The following USP49 variants were observed in gnomAD, a reference collection of about 807,000 sequenced individuals.
USP49 encodes the protein ubiquitin carboxyl-terminal hydrolase 49.
In USP49, 24 loss-of-function variants were observed where a neutral mutation model predicts 58.6. The ratio of observed to expected loss-of-function variants is 0.41; its 90% CI spans 0.30 to 0.58. USP49 has a LOEUF of 0.58. Ranked by LOEUF, USP49 falls within the 20% of genes least tolerant of loss-of-function variation. The pLI, the probability that USP49 is intolerant of heterozygous loss-of-function variation, is 0.30. For synonymous variants in USP49, 408 were observed against 365.1 expected (o/e 1.12, Z -1.34); for missense variants, 703 against 866.1 (o/e 0.81, Z 2.36).
At chr6:41,838,778 C>T (rs1248545954) in intron 3 of USP49, among the ~76,000 whole-genome samples, 2 of 152,178 alleles carry the variant, frequency 1.3e-5, no homozygotes, top group East Asian at 3.8e-4. Context: ...GCAGAATATA[C>T]ATTCTTTTAT....
At chr6:41,864,613 C>T (rs1774278972) in intron 3 of USP49, among the ~76,000 whole-genome samples, 1 of 151,978 alleles carries the variant, frequency 6.6e-6, no homozygotes, top group Non-Finnish European at 1.5e-5. Context: ...GAAGGGAAGG[C>T]CAAAATGCCA....
chr6:41,802,452 A>ATTTTTTTTTTTTTT (rs1561902624), intron 5 of USP49, among the ~76,000 whole-genome samples: 10 of 63,812 alleles, frequency 1.6e-4, no homozygotes, highest in South Asian at 4.5e-4. Flanking sequence ...TTATTTATTT[A>ATTTTTTTTTTTTTT]TTTATTTATT....
chr6:41,844,977 T>C (rs2127348044), intron 3 of USP49, among the ~76,000 whole-genome samples: 1 of 152,232 alleles, frequency 6.6e-6, no homozygotes, highest in Non-Finnish European at 1.5e-5. Flanking sequence ...CTCGGCTCAC[T>C]GCAACCTCTG....
intron 3 of USP49, among the ~76,000 whole-genome samples, chr6:41,813,644 C>A (rs1162552848): frequency 6.6e-6 from 1 of 152,190 alleles, no homozygotes; most frequent in African/African-American, 2.4e-5. Flanking sequence ...TTTCCCATTA[C>A]AAATTTGTCA....
chr6:41,846,875 T>C (rs571042703), intron 3 of USP49, among the ~76,000 whole-genome samples: 2 of 152,160 alleles, frequency 1.3e-5, no homozygotes, highest in Non-Finnish European at 2.9e-5. Context: ...TTCTATCTCA[T>C]ATGACTCAGA....
chr6:41,888,706 G>A (rs1195308645), intron 2 of USP49, among the ~76,000 whole-genome samples: 3 of 152,228 alleles, frequency 2.0e-5, no homozygotes, highest in East Asian at 1.9e-4. Context: ...ACCCGCCTCA[G>A]CCTCCCAAAG....
chr6:41,863,691 G>C (rs1023890513), intron 3 of USP49, among the ~76,000 whole-genome samples: 1 of 152,096 alleles, frequency 6.6e-6, no homozygotes, highest in Non-Finnish European at 1.5e-5. Context: ...TGCCTAGCAC[G>C]TGATAGTGCC....
intron 3 of USP49, among the ~76,000 whole-genome samples, chr6:41,808,243 GAAA>G (rs548809092): frequency 6.6e-6 from 1 of 150,612 alleles, no homozygotes; most frequent in African/African-American, 2.4e-5. Context: ...CGAAACAAAA[GAAA>G]AAAAAGCAAC....
intron 5 of USP49, among the ~76,000 whole-genome samples, chr6:41,802,026 T>A (rs1773007208): frequency 1.6e-5 from 2 of 126,248 alleles, no homozygotes; most frequent in Admixed American, 7.5e-5. Flanking sequence ...GGAATCACTG[T>A]TTTTTTTTTT....
At chr6:41,814,931 G>A (rs1220207726) in intron 3 of USP49, among the ~76,000 whole-genome samples, 8 of 152,100 alleles carry the variant, frequency 5.3e-5, no homozygotes, top group Non-Finnish European at 1.0e-4. Context: ...CTTACTAAGT[G>A]TACCTAGAAT....
At chr6:41,839,862 G>T (rs991843995) in intron 3 of USP49, among the ~76,000 whole-genome samples, 1 of 151,898 alleles carries the variant, frequency 6.6e-6, no homozygotes, top group African/African-American at 2.4e-5. Context: ...GGGGGTAAGG[G>T]ATAAAAGAAT....
At chr6:41,797,338 C>T (rs1260017158) in intron 7 of USP49, among the ~76,000 whole-genome samples, 2 of 152,094 alleles carry the variant, frequency 1.3e-5, no homozygotes, top group African/African-American at 4.8e-5. Context: ...AGCTGCGATA[C>T]TGCAGGCTAA....
chr6:41,801,728 T>G (rs1288263265), intron 5 of USP49, among the ~76,000 whole-genome samples: 2 of 152,244 alleles, frequency 1.3e-5, no homozygotes, highest in Non-Finnish European at 2.9e-5. Context: ...TGATCAGTTC[T>G]GTCTCCATTT....
intron 5 of USP49, among the ~76,000 whole-genome samples, chr6:41,802,584 G>A (rs1401330389): frequency 1.4e-5 from 2 of 145,942 alleles, no homozygotes; most frequent in Non-Finnish European, 3.1e-5. Context: ...GTGAGCCACT[G>A]CACCTGGCCT....
chr6:41,790,629 G>A lies in USP49; in HGVS notation c.*5904C>T, dbSNP rs1772781025. ...ATAAGGACCACAGTGGCCTGTTAAGGATGACAGATGTCTCTAGCAGTTTGT... is the reference window on the plus strand; with the variant it reads ...ATAAGGACCACAGTGGCCTGTTAAGAATGACAGATGTCTCTAGCAGTTTGT... On this transcript the variant is annotated 3_prime_UTR_variant, in exon 8 of 8. Coordinates refer to ENST00000682992, the MANE Select transcript of USP49 (RefSeq NM_001286554.2). The A allele has an allele frequency of 6.6e-6, 1 of 152,198 alleles. No homozygotes were observed. The highest frequency in any genetic ancestry group is 6.5e-5 in the Admixed American group (1 of 15,282). 9.4% of individuals were successfully genotyped at this position (152,198 alleles called of 1,614,324 possible). A position where few individuals can be genotyped will look rare whatever the true frequency, so the allele number is the denominator to read the frequency against.
chr6:41,829,643 A>ATAG (rs1491298882), intron 3 of USP49, among the ~76,000 whole-genome samples: 2 of 152,168 alleles, frequency 1.3e-5, no homozygotes, highest in African/African-American at 4.8e-5. Flanking sequence ...GGATGTCTAC[A>ATAG]TAGTCTTCAA....
intron 2 of USP49, among the ~76,000 whole-genome samples, chr6:41,873,355 G>A (rs1404975279): frequency 6.6e-6 from 1 of 152,206 alleles, no homozygotes; most frequent in Non-Finnish European, 1.5e-5. Flanking sequence ...AGGGAGCCAA[G>A]TTTCACATGT....
intron 2 of USP49, among the ~76,000 whole-genome samples, chr6:41,878,111 T>C (rs112327048): frequency 1.2e-3 from 180 of 152,210 alleles, no homozygotes; most frequent in African/African-American, 3.9e-3. Context: ...AATAAGAAAA[T>C]GTGTGTAAGT....
At chr6:41,858,118 C>T (rs1320192384) in intron 3 of USP49, among the ~76,000 whole-genome samples, 1 of 152,108 alleles carries the variant, frequency 6.6e-6, no homozygotes, top group Admixed American at 6.6e-5. Context: ...CATTGCTGCC[C>T]CATCATTCAG....
Sources: gnomAD v4.1 joint callset for allele counts (sites outside exome capture counted in the v4.1 genomes callset) on GRCh38, gnomAD v4.1.1 for gene constraint, MANE v1.5 for transcripts, NCBI Gene and HGNC (gene_info 2026-07-23, HGNC 2026-07-21) for gene names.